Variants in ST6GALNAC3 observed in about 807,000 individuals in gnomAD.
ST6GALNAC3 encodes the protein alpha-N-acetylgalactosaminide alpha-2,6-sialyltransferase 3.
A neutral mutation model predicts 32.7 loss-of-function variants in ST6GALNAC3; 25 were observed. That is an observed-to-expected ratio of 0.76 (90% CI 0.56 to 1.07). ST6GALNAC3 has a LOEUF of 1.07. Ranked by LOEUF, ST6GALNAC3 falls within the 50% of genes least tolerant of loss-of-function variation. The pLI is 0.00. For missense variants in ST6GALNAC3, 355 were observed against 382.4 expected, an observed-to-expected ratio of 0.93 and a Z score of 0.60; for synonymous variants, 129 against 133.1, an observed-to-expected ratio of 0.97 and a Z score of 0.21.
At chr1:76,223,606 C>G (rs1281942695) in intron 1 of ST6GALNAC3, among the ~76,000 whole-genome samples, 1 of 152,060 alleles carries the variant, frequency 6.6e-6, no homozygotes, top group South Asian at 2.1e-4. Context: ...GTATCCAGAC[C>G]AGGCCAGAGC....
chr1:76,152,320 T>C (rs1651096233), intron 1 of ST6GALNAC3, among the ~76,000 whole-genome samples: 1 of 152,222 alleles, frequency 6.6e-6, no homozygotes, highest in African/African-American at 2.4e-5. Flanking sequence ...CACTGGCTTA[T>C]TGCTGTCCAG....
chr1:76,559,047 AAT>A (rs1416814180), intron 3 of ST6GALNAC3, among the ~76,000 whole-genome samples: 1 of 152,164 alleles, frequency 6.6e-6, no homozygotes, highest in Non-Finnish European at 1.5e-5. Context: ...ATATATGAAA[AAT>A]ATCTTATTAA....
intron 3 of ST6GALNAC3, among the ~76,000 whole-genome samples, chr1:76,498,254 C>A (rs1320585314): frequency 2.0e-5 from 3 of 152,192 alleles, no homozygotes; most frequent in African/African-American, 7.2e-5. Context: ...TCATATTCCC[C>A]AATTCCTTTT....
chr1:76,358,093 T>C (rs1234715774), intron 2 of ST6GALNAC3, among the ~76,000 whole-genome samples: 1 of 152,196 alleles, frequency 6.6e-6, no homozygotes, highest in African/African-American at 2.4e-5. Flanking sequence ...CCTCAGTGCA[T>C]AGGGTATGTC....
Position 76,208,033 on chromosome 1 carries a change from T to C in ST6GALNAC3, c.19-105772T>C, listed in dbSNP as rs961798816. 1.3e-4 allele frequency among the ~76,000 whole-genome samples: 11 copies of C among 86,320 alleles called. No homozygotes were observed. In the East Asian group the frequency reaches 2.8e-3, roughly 22 times the overall value. The allele number at this position is 86,320 out of a possible 152,430, so 56.6% of individuals were successfully genotyped here. A position where few individuals can be genotyped will look rare whatever the true frequency, so the allele number is the denominator to read the frequency against. ...ATTAGCCATCTCTGGCTGTTCCCAC[T>C]CAAGAGTGCCCCCCCCCCCAAAAAA... On this transcript the variant is annotated intron_variant, in intron 1 of 4. Coordinates refer to ENST00000328299, the MANE Select transcript of ST6GALNAC3 (RefSeq NM_152996.4).
At chr1:76,320,981 C>CACAT (rs1553178935) in intron 2 of ST6GALNAC3, among the ~76,000 whole-genome samples, 158 of 151,582 alleles carry the variant, frequency 1.0e-3, no homozygotes, top group African/African-American at 3.6e-3. Flanking sequence ...CACACACACA[C>CACAT]ACATTATATA....
intron 3 of ST6GALNAC3, among the ~76,000 whole-genome samples, chr1:76,609,554 G>A (rs1057454004): frequency 6.6e-6 from 1 of 152,012 alleles, no homozygotes; most frequent in Non-Finnish European, 1.5e-5. Context: ...TTAATATAGG[G>A]TCTATTAAGA....
At chr1:76,318,110 TA>T (rs554177966) in intron 2 of ST6GALNAC3, among the ~76,000 whole-genome samples, 44 of 128,924 alleles carry the variant, frequency 3.4e-4, no homozygotes, top group African/African-American at 1.1e-3. Context: ...ATACAAAAAT[TA>T]AAATAAAAGG....
At chr1:76,291,852 C>T (rs1660115692) in intron 1 of ST6GALNAC3, among the ~76,000 whole-genome samples, 2 of 152,184 alleles carry the variant, frequency 1.3e-5, no homozygotes, top group South Asian at 4.1e-4. Context: ...TGAACATCTC[C>T]AGTAATGTGT....
chr1:76,086,208 C>G (rs965143179), intron 1 of ST6GALNAC3, among the ~76,000 whole-genome samples: 3 of 152,204 alleles, frequency 2.0e-5, no homozygotes, highest in Non-Finnish European at 4.4e-5. Context: ...CAGGAAACAG[C>G]TTTCACAGTT....
At chr1:76,468,437 G>A (rs891892186) in intron 3 of ST6GALNAC3, among the ~76,000 whole-genome samples, 1 of 152,084 alleles carries the variant, frequency 6.6e-6, no homozygotes, top group African/African-American at 2.4e-5. Context: ...TCCTGAAAAC[G>A]AGAATGCTGT....
chr1:76,393,144 C>A (rs929218011), intron 2 of ST6GALNAC3, among the ~76,000 whole-genome samples: 3 of 152,120 alleles, frequency 2.0e-5, no homozygotes, highest in African/African-American at 7.2e-5. Flanking sequence ...AGTTAATTTT[C>A]TTTTTCAAAT....
intron 3 of ST6GALNAC3, among the ~76,000 whole-genome samples, chr1:76,542,053 T>A (rs1664024457): frequency 6.6e-6 from 1 of 152,238 alleles, no homozygotes. Flanking sequence ...CTAAGCCATT[T>A]TCTTCTTTAA....
intron 1 of ST6GALNAC3, among the ~76,000 whole-genome samples, chr1:76,265,512 G>A (rs1487166183): frequency 1.3e-5 from 2 of 152,096 alleles, no homozygotes; most frequent in Non-Finnish European, 2.9e-5. Flanking sequence ...TAGGCTGTAA[G>A]AAGCTTCGTA....
At chr1:76,377,756 T>C (rs1486430747) in intron 2 of ST6GALNAC3, among the ~76,000 whole-genome samples, 6 of 152,190 alleles carry the variant, frequency 3.9e-5, no homozygotes, top group Non-Finnish European at 8.8e-5. Flanking sequence ...AAAAGGAAGT[T>C]AATAATGGAA....
In ST6GALNAC3 at chr1:76,136,211, G is replaced by T. The variant is rs377688726; in HGVS notation, c.18+61327G>T. Among the ~76,000 whole-genome samples, 24 of 152,282 alleles carry T rather than the reference G, an allele frequency of 1.6e-4. 1 individual carries two copies. The East Asian group carries it at 3.3e-3, about 21-fold the overall frequency. On this transcript the variant is annotated intron_variant, in intron 1 of 4. Transcript: ENST00000328299. ...CACTTCCAGAAACCAAATTCAAAGG[G>T]TTTACTAAATGGCAGGAACCTGGTC...
chr1:76,128,077 CAA>C (rs1161864338), intron 1 of ST6GALNAC3, among the ~76,000 whole-genome samples: 3 of 152,222 alleles, frequency 2.0e-5, no homozygotes, highest in African/African-American at 7.2e-5. Flanking sequence ...TGGAGGATGG[CAA>C]AGAGTATAAC....
At chr1:76,362,879 T>A (rs1050465839) in intron 2 of ST6GALNAC3, among the ~76,000 whole-genome samples, 3 of 152,190 alleles carry the variant, frequency 2.0e-5, no homozygotes, top group African/African-American at 7.2e-5. Flanking sequence ...CTTTTCCAGG[T>A]GCAGGGTGCA....
At chr1:76,330,696 C>G (rs1441626067) in intron 2 of ST6GALNAC3, among the ~76,000 whole-genome samples, 1 of 152,116 alleles carries the variant, frequency 6.6e-6, no homozygotes, top group Admixed American at 6.6e-5. Context: ...ATTATTATTC[C>G]ACCATTTAGA....
Sources: allele counts gnomAD v4.1 joint callset (sites outside exome capture counted in the v4.1 genomes callset), GRCh38; gene constraint gnomAD v4.1.1; transcripts MANE v1.5; gene names NCBI Gene and HGNC (gene_info 2026-07-23, HGNC 2026-07-21).